Variants in KDM4C observed in about 807,000 individuals in gnomAD.
KDM4C encodes the protein lysine-specific demethylase 4C.
A neutral mutation model predicts 129.3 loss-of-function variants in KDM4C; 81 were observed. The ratio of observed to expected loss-of-function variants is 0.63; its 90% CI spans 0.52 to 0.75. KDM4C has a LOEUF of 0.75. Ranked by LOEUF, KDM4C falls within the 30% of genes least tolerant of loss-of-function variation. KDM4C has a pLI of 0.00. For missense variants in KDM4C, 1,457 were observed against 1,304.0 expected, an observed-to-expected ratio of 1.12 and a Z score of -1.81; for synonymous variants, 573 against 456.1, an observed-to-expected ratio of 1.26 and a Z score of -3.26.
At chr9:6,819,765 A>ATTAC (rs1832710679) in intron 4 of KDM4C, among the ~76,000 whole-genome samples, 1 of 152,224 alleles carries the variant, frequency 6.6e-6, no homozygotes, top group Non-Finnish European at 1.5e-5. Context: ...ACTGTCAGGA[A>ATTAC]TGTTTGAATT....
chr9:6,965,013 A>T (rs1343423762), intron 8 of KDM4C, among the ~76,000 whole-genome samples: 1 of 151,856 alleles, frequency 6.6e-6, no homozygotes, highest in South Asian at 2.1e-4. Flanking sequence ...ACCTTTTTAC[A>T]CCCATTTACA....
intron 3 of KDM4C, among the ~76,000 whole-genome samples, chr9:6,809,102 C>G (rs550952707): frequency 6.6e-6 from 1 of 152,284 alleles, no homozygotes; most frequent in East Asian, 1.9e-4. Flanking sequence ...ACTCTTATTT[C>G]TGCATGTTAA....
At chr9:6,944,652 GTTTTTTTTTTT>G (rs1158199897) in intron 8 of KDM4C, among the ~76,000 whole-genome samples, 2 of 80,990 alleles carry the variant, frequency 2.5e-5, no homozygotes, top group South Asian at 1.3e-3. Flanking sequence ...CAAGGTAGAG[GTTTTTTTTTTT>G]TTTTTTTTTT....
intron 15 of KDM4C, among the ~76,000 whole-genome samples, chr9:7,017,162 C>T (rs1334308461): frequency 2.0e-5 from 3 of 152,166 alleles, no homozygotes; most frequent in East Asian, 1.9e-4. Flanking sequence ...TTCTCAAACT[C>T]CTGAGCTCAA....
At chr9:6,926,986 A>G (rs964885902) in intron 8 of KDM4C, among the ~76,000 whole-genome samples, 2 of 152,192 alleles carry the variant, frequency 1.3e-5, no homozygotes, top group African/African-American at 4.8e-5. Context: ...GGGAAAATAT[A>G]TTGATTGGGT....
At chr9:7,173,091 G>C (rs77899459) in intron 21 of KDM4C, among the ~76,000 whole-genome samples, 1 of 152,208 alleles carries the variant, frequency 6.6e-6, no homozygotes, top group East Asian at 1.9e-4. Context: ...GTAAAATTGG[G>C]TACACAGTCC....
At chr9:6,849,790 G>C in intron 5 of KDM4C, 90 bp downstream of exon 5, 1 of 1,055,816 alleles carries the variant, frequency 9.5e-7, no homozygotes, top group Non-Finnish European at 1.4e-6. Flanking sequence ...CTTTGATTTG[G>C]TGGATTCAGA....
chr9:6,967,393 C>T (rs1454807637), intron 8 of KDM4C, among the ~76,000 whole-genome samples: 1 of 149,934 alleles, frequency 6.7e-6, no homozygotes, highest in Admixed American at 6.7e-5. Context: ...CGCTGCACTC[C>T]TGCCTGGGTG....
chr9:6,774,630 A>C (rs1019398023), intron 1 of KDM4C, among the ~76,000 whole-genome samples: 2 of 152,036 alleles, frequency 1.3e-5, no homozygotes, highest in Non-Finnish European at 2.9e-5. Context: ...GTGCTACCGC[A>C]CTCCAGCATG....
At chr9:7,011,951 G>A (rs1019529674) in intron 13 of KDM4C, 72 bp downstream of exon 13, 35 of 1,285,958 alleles carry the variant, frequency 2.7e-5, no homozygotes, top group Admixed American at 4.0e-5. Context: ...CAAGATCACT[G>A]TAAATTGTTG....
chr9:7,115,006 G>T (rs1468278209), intron 18 of KDM4C, among the ~76,000 whole-genome samples: 1 of 152,098 alleles, frequency 6.6e-6, no homozygotes, highest in Admixed American at 6.6e-5. Flanking sequence ...TTGAGCCCAG[G>T]AGGTAAAGAT....
chr9:7,104,022 A>G lies in KDM4C; in HGVS notation c.2610+152A>G, dbSNP rs557519103. 11 of 682,316 alleles carry G rather than the reference A, an allele frequency of 1.6e-5. No homozygotes were observed. The East Asian group carries it at 3.0e-4, about 19-fold the overall frequency. 42.3% of individuals were successfully genotyped at this position (682,316 alleles called of 1,614,324 possible). A position where few individuals can be genotyped will look rare whatever the true frequency, so the allele number is the denominator to read the frequency against. The stretch of plus-strand genomic sequence containing the variant: ...AGTTCCTTGAGGGCAGGGATTGCGC[A>G]CTGTTATTTCCTGGTATTTGCCTAG... On this transcript the variant is annotated intron_variant, in intron 18 of 21. Coordinates refer to ENST00000381309, the MANE Select transcript of KDM4C (RefSeq NM_015061.6).
chr9:7,016,858 T>C (rs1345360622), intron 15 of KDM4C, among the ~76,000 whole-genome samples: 1 of 152,166 alleles, frequency 6.6e-6, no homozygotes. Context: ...TTTGCAATAC[T>C]TGAAAATAAG....
intron 4 of KDM4C, among the ~76,000 whole-genome samples, chr9:6,842,334 T>TTTTTTTTG (rs1554714659): frequency 2.4e-5 from 3 of 124,154 alleles, no homozygotes; most frequent in African/African-American, 6.5e-5. Flanking sequence ...TTTTTTTTTT[T>TTTTTTTTG]GAGACGGAGT....
chr9:7,011,820 A>G lies in KDM4C; in HGVS notation c.1909A>G (p.Thr637Ala), dbSNP rs149262821. 7 of 1,614,008 alleles carry G rather than the reference A, an allele frequency of 4.3e-6. No homozygotes were observed. The East Asian group carries it at 6.7e-5, about 15-fold the overall frequency. The stretch of plus-strand genomic sequence containing the variant: ...CGCAGCTGAGCAAGAGTATAATGCA[A>G]CAGTGGCCAGGATGAAGCCACACTG... ...NFAAEQEYNA[T>A]VARMKPHCAI... The change falls in exon 13 of 22, where the codon ACA (threonine) becomes GCA (alanine). Residue 637 changes from threonine to alanine, a missense_variant. Coordinates refer to ENST00000381309, the MANE Select transcript of KDM4C (RefSeq NM_015061.6).
chr9:6,784,436 T>A (rs1321967082), intron 1 of KDM4C, among the ~76,000 whole-genome samples: 3 of 152,182 alleles, frequency 2.0e-5, no homozygotes, highest in Admixed American at 2.0e-4. Flanking sequence ...TTCACCATGT[T>A]GGCCAGGCTC....
chr9:7,141,665 A>T (rs1417462107), intron 19 of KDM4C, among the ~76,000 whole-genome samples: 1 of 152,152 alleles, frequency 6.6e-6, no homozygotes, highest in Non-Finnish European at 1.5e-5. Context: ...CAGGCCCAGG[A>T]TGATGAGTTC....
intron 15 of KDM4C, among the ~76,000 whole-genome samples, chr9:7,033,878 C>G (rs1446776027): frequency 6.6e-6 from 1 of 152,132 alleles, no homozygotes; most frequent in Non-Finnish European, 1.5e-5. Flanking sequence ...CTGGAGGTCA[C>G]TGGGCTGCAA....
chr9:6,745,765 A>C (rs988650489), intron 1 of KDM4C, among the ~76,000 whole-genome samples: 9 of 151,986 alleles, frequency 5.9e-5, no homozygotes, highest in Non-Finnish European at 1.2e-4. Context: ...CAGCCTCCCC[A>C]GTAGCTGGGA....
Sources: gnomAD v4.1 joint callset for allele counts (sites outside exome capture counted in the v4.1 genomes callset) on GRCh38, gnomAD v4.1.1 for gene constraint, MANE v1.5 for transcripts, NCBI Gene and HGNC (gene_info 2026-07-23, HGNC 2026-07-21) for gene names.